Variants in MGST1 observed in about 807,000 individuals in gnomAD.
MGST1 encodes the protein microsomal glutathione S-transferase 1.
A neutral mutation model predicts 8.9 loss-of-function variants in MGST1; 5 were observed. The ratio of observed to expected loss-of-function variants is 0.56; its 90% confidence interval spans 0.29 to 1.19. The LOEUF is 1.19. Among genes scored for constraint, MGST1 ranks in the 50% most tolerant of loss-of-function variants. The pLI is 0.08. For missense variants in MGST1, 182 were observed against 187.4 expected (o/e 0.97, Z 0.17); for synonymous variants, 54 against 67.8 (o/e 0.80, Z 1.00).
intron 1 of MGST1, among the ~76,000 whole-genome samples, chr12:16,394,677 A>C (rs1250859582): frequency 1.3e-5 from 2 of 151,510 alleles, no homozygotes; most frequent in Non-Finnish European, 2.9e-5. Flanking sequence ...ACTGCACTGC[A>C]ACCTCCACCT....
Position 16,402,397 on chromosome 12 carries a change from G to A in MGST1, n.778+18793G>A, listed in dbSNP as rs369340673. The A allele has an allele frequency of 1.4e-3, 2,189 of 1,604,498 alleles. 63 individuals are homozygous for A. The South Asian group carries it at 0.022, about 16-fold the overall frequency. On this transcript the variant is annotated intron_variant and non_coding_transcript_variant, in intron 1 of 1. Coordinates refer to the MGST1 transcript ENST00000359720. ...GTCTCTTCACTCACCGATAATAAGC[G>A]TCTTTGTCCAGAGTCACAGCCATAG...
intron 1 of MGST1, among the ~76,000 whole-genome samples, chr12:16,433,809 T>C (rs1940960257): frequency 6.6e-6 from 1 of 151,998 alleles, no homozygotes; most frequent in Admixed American, 6.6e-5. Context: ...CCCCAAGGCG[T>C]TCAGTTAGTT....
chr12:16,372,781 C>A (rs1029889231), intron 3 of MGST1, among the ~76,000 whole-genome samples: 1 of 151,112 alleles, frequency 6.6e-6, no homozygotes, highest in African/African-American at 2.4e-5. Flanking sequence ...AAGTGCCCAT[C>A]AACAGGTGGA....
At chr12:16,506,007 T>A (rs1941535994) in intron 4 of MGST1, among the ~76,000 whole-genome samples, 1 of 152,222 alleles carries the variant, frequency 6.6e-6, no homozygotes, top group Non-Finnish European at 1.5e-5. Context: ...TTAAATTTTT[T>A]AAGTAAAATC....
chr12:16,347,418 C>CT (rs909828380), upstream of MGST1, among the ~76,000 whole-genome samples: 2 of 152,180 alleles, frequency 1.3e-5, no homozygotes, highest in African/African-American at 4.8e-5. This position sits in a 1 kb window ranked among gnomAD's most constrained non-coding sequence, Gnocchi z 4.0. Flanking sequence ...TACTGTCCCC[C>CT]TTCCCACTGA....
rs146829635 is a variant in MGST1, at chr12:16,389,804, A to G, written n.778+6200A>G. ...CAGAGGTGGCTGGGAGTGAGGCATGAGATCTCTCGGTAGAGGCAAAATAGA... is the reference window on the plus strand; with the variant it reads ...CAGAGGTGGCTGGGAGTGAGGCATGGGATCTCTCGGTAGAGGCAAAATAGA... On this transcript the variant is annotated intron_variant and non_coding_transcript_variant, in intron 1 of 1. Transcript: ENST00000359720. The surrounding 1 kb of genome is among the most constrained non-coding windows in gnomAD (Gnocchi z 4.6). Among the ~76,000 whole-genome samples, 1 of 152,302 alleles carries G rather than the reference A, an allele frequency of 6.6e-6. No individual in the cohort carries two copies. Among genetic ancestry groups the G allele is most frequent in the East Asian group, 1.9e-4 (1 of 5,186 alleles).
In MGST1 at chr12:16,560,632, C is replaced by A; in HGVS notation, n.483-28896C>A. The A allele has an allele frequency of 9.2e-7, 1 of 1,081,278 alleles. No individual in the cohort carries two copies. Among genetic ancestry groups the A allele is most frequent in the South Asian group, 1.5e-5 (1 of 65,532 alleles). 67.0% of individuals were successfully genotyped at this position (1,081,278 alleles called of 1,614,324 possible). A position where few individuals can be genotyped will look rare whatever the true frequency, so the allele number is the denominator to read the frequency against. On this transcript the variant is annotated intron_variant and non_coding_transcript_variant, in intron 4 of 4. Coordinates refer to the MGST1 transcript ENST00000538857. The surrounding 1 kb of genome is among the most constrained non-coding windows in gnomAD (Gnocchi z 5.0). Reference sequence around the variant, plus strand: ...GATGTTAATATACTCTGTAAAGCTACAATACACAATGCTTTATGATGTACA... The same window carrying A: ...GATGTTAATATACTCTGTAAAGCTAAAATACACAATGCTTTATGATGTACA...
At chr12:16,511,837 G>A (rs150989732) in intron 4 of MGST1, among the ~76,000 whole-genome samples, 1 of 152,134 alleles carries the variant, frequency 6.6e-6, no homozygotes. Context: ...TTTGGAGACA[G>A]TTCGGTGATA....
chr12:16,544,263 C>CACACACACAA lies in MGST1; in HGVS notation n.483-45264_483-45263insCACACACAAA, dbSNP rs1167716111. Among the ~76,000 whole-genome samples, 5 of 147,484 alleles carry CACACACACAA rather than the reference C, an allele frequency of 3.4e-5. No individual in the cohort carries two copies. Among genetic ancestry groups the CACACACACAA allele is most frequent in the African/African-American group, 1.2e-4 (5 of 40,016 alleles). On this transcript the variant is annotated intron_variant and non_coding_transcript_variant, in intron 4 of 4. Coordinates refer to the MGST1 transcript ENST00000538857. This position sits in a 1 kb window ranked among gnomAD's most constrained non-coding sequence, Gnocchi z 4.8. Reference sequence around the variant, plus strand: ...ACACACACACACACACACACACACACAAAACATAACCTACTAGTCAATCTG... The same window carrying CACACACACAA: ...ACACACACACACACACACACACACACACACACACAAAAAACATAACCTACTAGTCAATCTG...
chr12:16,477,390 T>C (rs1197914402), intron 4 of MGST1, among the ~76,000 whole-genome samples: 1 of 152,174 alleles, frequency 6.6e-6, no homozygotes, highest in African/African-American at 2.4e-5. Context: ...TCATGTAAAA[T>C]GAAGCATGTT....
chr12:16,374,174 C>T (rs180847329), intron 3 of MGST1, among the ~76,000 whole-genome samples: 2 of 152,172 alleles, frequency 1.3e-5, no homozygotes, highest in East Asian at 3.9e-4. Context: ...AAGTAGTTTA[C>T]ATTAACAGGG....
At chr12:16,380,652 A>G (rs914415082), downstream of MGST1, among the ~76,000 whole-genome samples, 2 of 152,172 alleles carry the variant, frequency 1.3e-5, no homozygotes, top group African/African-American at 4.8e-5. Context: ...GTAGATGTCT[A>G]TTAGGTCTGC....
intron 1 of MGST1, among the ~76,000 whole-genome samples, chr12:16,423,436 A>T: frequency 6.7e-6 from 1 of 150,042 alleles, no homozygotes; most frequent in South Asian, 2.1e-4. Context: ...ATGTACAAAA[A>T]AAATTCTTGT....
chr12:16,435,400 T>C (rs1436305626), intron 1 of MGST1, among the ~76,000 whole-genome samples: 1 of 151,966 alleles, frequency 6.6e-6, no homozygotes, highest in Non-Finnish European at 1.5e-5. Context: ...CAGGAAAATA[T>C]GCCTAAAACA....
chr12:16,391,086 G>T (rs912904283), intron 1 of MGST1, among the ~76,000 whole-genome samples: 14 of 150,030 alleles, frequency 9.3e-5, no homozygotes, highest in South Asian at 2.1e-4. Flanking sequence ...TCATATGCTT[G>T]TTGGCCAGAT....
At position 16,555,299 on chromosome 12, in the gene MGST1, C is replaced by T. The variant is rs188487699; in HGVS notation, n.483-34229C>T. On this transcript the variant is annotated intron_variant and non_coding_transcript_variant, in intron 4 of 4. Transcript: ENST00000538857. This position sits in a 1 kb window ranked among gnomAD's most constrained non-coding sequence, Gnocchi z 5.5. The stretch of plus-strand genomic sequence containing the variant: ...TTCCCATTGCCTCCATCAACATCTT[C>T]TGACCATGTAAATTTGCTTATTCTG... Among the ~76,000 whole-genome samples the T allele has an allele frequency of 6.6e-6, 1 of 152,314 alleles. No homozygotes were observed. The highest frequency in any genetic ancestry group is 1.9e-4 in the East Asian group (1 of 5,176).
At chr12:16,403,927 A>T (rs1940679410) in intron 1 of MGST1, among the ~76,000 whole-genome samples, 1 of 152,112 alleles carries the variant, frequency 6.6e-6, no homozygotes, top group African/African-American at 2.4e-5. Flanking sequence ...ACACATGGGG[A>T]TTATGGGGAT....
intron 1 of MGST1, among the ~76,000 whole-genome samples, chr12:16,402,803 A>T (rs1251923171): frequency 6.6e-6 from 1 of 151,646 alleles, no homozygotes; most frequent in Non-Finnish European, 1.5e-5. Context: ...GATCTCCTTC[A>T]TTATATAGGT....
intron 4 of MGST1, among the ~76,000 whole-genome samples, chr12:16,469,958 T>A (rs1941281547): frequency 2.0e-5 from 3 of 152,218 alleles, no homozygotes; most frequent in Non-Finnish European, 2.9e-5. Context: ...ACAGAAATCA[T>A]GTTTATATAT....
Sources: allele counts gnomAD v4.1 joint callset (sites outside exome capture counted in the v4.1 genomes callset), GRCh38; gene constraint gnomAD v4.1.1; non-coding constraint Gnocchi (gnomAD v3.1); transcripts MANE v1.5; gene names NCBI Gene and HGNC (gene_info 2026-07-23, HGNC 2026-07-21).